Variants in CNTN4 observed in about 807,000 individuals in gnomAD.
The protein encoded by CNTN4 is contactin 4, also known as contactin-4.
In CNTN4, 77 loss-of-function variants were observed where a neutral mutation model predicts 122.5. That is an observed-to-expected ratio of 0.63 (90% CI 0.52 to 0.76). The LOEUF (loss-of-function observed/expected upper bound fraction) is 0.76. Ranked by LOEUF, CNTN4 falls within the 30% of genes least tolerant of loss-of-function variation. CNTN4 has a pLI of 0.00. For synonymous variants in CNTN4, 512 were observed against 447.0 expected, an observed-to-expected ratio of 1.15 and a Z score of -1.83; for missense variants, 1,256 against 1,259.1, an observed-to-expected ratio of 1.00 and a Z score of 0.04.
chr3:2,981,253 G>A (rs57904363), intron 13 of CNTN4, among the ~76,000 whole-genome samples: 4,373 of 152,056 alleles, frequency 0.029, 107 homozygotes, highest in African/African-American at 0.061. Context: ...GACCATCCTG[G>A]CTAACACAGT....
At chr3:2,288,466 G>T (rs2042019303) in intron 2 of CNTN4, among the ~76,000 whole-genome samples, 3 of 152,110 alleles carry the variant, frequency 2.0e-5, no homozygotes, top group Non-Finnish European at 4.4e-5. Flanking sequence ...AGCCATTTTT[G>T]AGGTATCTAT....
At chr3:2,914,168 G>A (rs1375839086) in intron 12 of CNTN4, among the ~76,000 whole-genome samples, 1 of 152,096 alleles carries the variant, frequency 6.6e-6, no homozygotes, top group East Asian at 1.9e-4. Flanking sequence ...TAATAAGAGG[G>A]AGGTTAATAA....
chr3:2,311,819 A>G (rs769590727), intron 2 of CNTN4, among the ~76,000 whole-genome samples: 1 of 152,084 alleles, frequency 6.6e-6, no homozygotes, highest in African/African-American at 2.4e-5. Flanking sequence ...GAATAGAAAC[A>G]TGTTTTCCAA....
At chr3:2,791,001 A>G (rs1342644859) in intron 6 of CNTN4, among the ~76,000 whole-genome samples, 1 of 150,116 alleles carries the variant, frequency 6.7e-6, no homozygotes, top group Non-Finnish European at 1.5e-5. Context: ...ACTCTGTGTC[A>G]CAAGAGTAAT....
chr3:2,508,936 T>A (rs1003828205), intron 3 of CNTN4, among the ~76,000 whole-genome samples: 8 of 152,288 alleles, frequency 5.3e-5, no homozygotes, highest in South Asian at 4.1e-4. Flanking sequence ...TAGGGAGAAA[T>A]GTATGAAGAA....
intron 3 of CNTN4, among the ~76,000 whole-genome samples, chr3:2,391,799 A>G (rs956470476): frequency 1.3e-5 from 2 of 152,148 alleles, no homozygotes; most frequent in African/African-American, 4.8e-5. Context: ...GATCACAAAA[A>G]CTTACCGTAG....
intron 13 of CNTN4, among the ~76,000 whole-genome samples, chr3:2,981,273 T>C (rs182976426): frequency 6.6e-5 from 10 of 151,676 alleles, no homozygotes; most frequent in Admixed American, 5.9e-4. Context: ...TGAAACCCCG[T>C]CTCTACTAAA....
chr3:2,688,779 G>A (rs1233858068), intron 4 of CNTN4, among the ~76,000 whole-genome samples: 2 of 152,160 alleles, frequency 1.3e-5, no homozygotes, highest in Non-Finnish European at 2.9e-5. Context: ...GTGGGTCTTT[G>A]TAACCACACT....
At chr3:2,798,862 G>A (rs559592431) in intron 6 of CNTN4, among the ~76,000 whole-genome samples, 12 of 152,188 alleles carry the variant, frequency 7.9e-5, no homozygotes, top group African/African-American at 2.6e-4. Flanking sequence ...ATACCCGGTA[G>A]TGGGATTGCC....
At chr3:2,391,265 G>C (rs1239398361) in intron 3 of CNTN4, among the ~76,000 whole-genome samples, 1 of 152,184 alleles carries the variant, frequency 6.6e-6, no homozygotes, top group Non-Finnish European at 1.5e-5. Context: ...CATAATAAGA[G>C]TGTGTTAGAG....
chr3:2,135,155 G>C (rs1049233093), intron 2 of CNTN4, among the ~76,000 whole-genome samples: 2 of 152,140 alleles, frequency 1.3e-5, no homozygotes, highest in African/African-American at 4.8e-5. Context: ...ATGTGGCAGG[G>C]CCAGGTAGGA....
At chr3:2,991,130 T>C (rs773235873) in intron 14 of CNTN4, among the ~76,000 whole-genome samples, 107 of 152,306 alleles carry the variant, frequency 7.0e-4, no homozygotes, top group Non-Finnish European at 1.1e-3. Context: ...AGTGGACTTA[T>C]AGATGCAGAA....
intron 7 of CNTN4, among the ~76,000 whole-genome samples, chr3:2,820,026 C>T (rs1417020777): frequency 6.6e-6 from 1 of 152,194 alleles, no homozygotes. Context: ...AGTCTCCAAT[C>T]TTCTGGACAC....
intron 12 of CNTN4, among the ~76,000 whole-genome samples, chr3:2,917,724 ACC>A (rs1028405044): frequency 6.6e-6 from 1 of 152,126 alleles, no homozygotes; most frequent in African/African-American, 2.4e-5. Flanking sequence ...TCCCTTTCTT[ACC>A]CATTCTTAAG....
intron 2 of CNTN4, among the ~76,000 whole-genome samples, chr3:2,329,392 C>T (rs533493209): frequency 3.1e-3 from 467 of 152,304 alleles, no homozygotes; most frequent in South Asian, 5.4e-3. Context: ...CACTTCTAAA[C>T]GCCATTATGT....
chr3:2,143,608 A>C (rs1189973153), intron 2 of CNTN4, among the ~76,000 whole-genome samples: 1 of 152,180 alleles, frequency 6.6e-6, no homozygotes, highest in African/African-American at 2.4e-5. Context: ...CCATTCTACT[A>C]ATTTATCAAT....
chr3:2,587,496 T>A (rs895489188), intron 4 of CNTN4, among the ~76,000 whole-genome samples: 1 of 152,164 alleles, frequency 6.6e-6, no homozygotes, highest in Non-Finnish European at 1.5e-5. Context: ...TTCAGCAGGG[T>A]TCTTGGATAC....
chr3:2,273,752 G>T (rs1038570610), intron 2 of CNTN4, among the ~76,000 whole-genome samples: 2 of 152,042 alleles, frequency 1.3e-5, no homozygotes, highest in African/African-American at 4.8e-5. Flanking sequence ...CAAAAACCTG[G>T]GCTTATAGCA....
chr3:2,545,189 T>G (rs2078192716), intron 3 of CNTN4, among the ~76,000 whole-genome samples: 1 of 152,068 alleles, frequency 6.6e-6, no homozygotes, highest in Admixed American at 6.6e-5. Flanking sequence ...GTTTGAGAGA[T>G]TTTCTTAGGA....
Sources: gnomAD v4.1 joint callset for allele counts (sites outside exome capture counted in the v4.1 genomes callset) on GRCh38, gnomAD v4.1.1 for gene constraint, MANE v1.5 for transcripts, NCBI Gene and HGNC (gene_info 2026-07-23, HGNC 2026-07-21) for gene names.